Variants in PIK3CB observed in about 807,000 individuals in gnomAD.
The protein encoded by PIK3CB is phosphatidylinositol-4,5-bisphosphate 3-kinase catalytic subunit beta, also known as phosphatidylinositol 4,5-bisphosphate 3-kinase catalytic subunit beta isoform.
In PIK3CB, 39 loss-of-function variants were observed where a neutral mutation model predicts 136.8. That is an observed-to-expected ratio of 0.29 (90% CI 0.22 to 0.37). The LOEUF (loss-of-function observed/expected upper bound fraction) is 0.37, where lower values mean the gene tolerates loss of function less well. Ranked by LOEUF, PIK3CB falls within the 10% of genes least tolerant of loss-of-function variation. PIK3CB has a pLI of 1.00. For synonymous variants in PIK3CB, 428 were observed against 436.6 expected (o/e 0.98, Z 0.25); for missense variants, 868 against 1,275.4 (o/e 0.68, Z 4.87).
chr3:138,691,183 T>C (rs745575618), intron 14 of PIK3CB, 40 bp from the exon 15 acceptor site: 1 of 1,584,694 alleles, frequency 6.3e-7, no homozygotes. Flanking sequence ...CCAAACAACC[T>C]GTGCCAGAAA....
chr3:138,736,052 T>C (rs2045096540), intron 6 of PIK3CB, among the ~76,000 whole-genome samples: 1 of 152,132 alleles, frequency 6.6e-6, no homozygotes, highest in Admixed American at 6.6e-5. Context: ...TAATAGAGGA[T>C]AATGCTGGTA....
intron 1 of PIK3CB, among the ~76,000 whole-genome samples, chr3:138,823,286 T>TA (rs1157739654): frequency 6.6e-6 from 1 of 151,886 alleles, no homozygotes; most frequent in Non-Finnish European, 1.5e-5. Context: ...ACAAGGCCTA[T>TA]ACTAAATCAA....
intron 1 of PIK3CB, among the ~76,000 whole-genome samples, chr3:138,798,549 G>A (rs2046134979): frequency 6.6e-6 from 1 of 152,140 alleles, no homozygotes; most frequent in Non-Finnish European, 1.5e-5. Context: ...CCTAGGTGGG[G>A]TGGAGCATTG....
chr3:138,733,887 A>T, intron 7 of PIK3CB, among the ~76,000 whole-genome samples: 1 of 143,364 alleles, frequency 7.0e-6, no homozygotes, highest in East Asian at 1.9e-4. Flanking sequence ...CAAAAAAAAA[A>T]TTAATTAATT....
Position 138,679,753 on chromosome 3 carries a change from T to C in PIK3CB, c.2504+2214A>G, listed in dbSNP as rs181567271. ...ACATGCCAACATGCCTGGCTAATTATTATTATTATTATTATTATTATTATT... is the reference window on the plus strand; with the variant it reads ...ACATGCCAACATGCCTGGCTAATTACTATTATTATTATTATTATTATTATT... On this transcript the variant is annotated intron_variant, in intron 19 of 23. Transcript: ENST00000674063. 2.6e-3 allele frequency among the ~76,000 whole-genome samples: 389 copies of C among 147,200 alleles called. 4 individuals are homozygous for C. Among genetic ancestry groups the C allele is most frequent in the African/African-American group, 9.3e-3 (379 of 40,658 alleles).
At chr3:138,798,967 G>A (rs995510627) in intron 1 of PIK3CB, among the ~76,000 whole-genome samples, 9 of 152,084 alleles carry the variant, frequency 5.9e-5, no homozygotes, top group Admixed American at 4.6e-4. Flanking sequence ...AGAGATGTAA[G>A]CCTGTAATCC....
chr3:138,725,638 A>G (rs540100800), intron 8 of PIK3CB, among the ~76,000 whole-genome samples: 1 of 152,166 alleles, frequency 6.6e-6, no homozygotes, highest in South Asian at 2.1e-4. Flanking sequence ...CATTCAGTGT[A>G]TTTTTAAATT....
chr3:138,700,362 G>A (rs1331943788), intron 12 of PIK3CB, among the ~76,000 whole-genome samples: 3 of 152,176 alleles, frequency 2.0e-5, no homozygotes, highest in Non-Finnish European at 4.4e-5. Context: ...CTGGGGTAGG[G>A]AAAGTACTAG....
At chr3:138,691,248 T>C in intron 14 of PIK3CB, 105 bp from the exon 15 acceptor site, 1 of 1,040,170 alleles carries the variant, frequency 9.6e-7, no homozygotes. Context: ...ACAATGGTTC[T>C]TTTGGGCCAG....
intron 1 of PIK3CB, among the ~76,000 whole-genome samples, chr3:138,815,543 A>C (rs74916316): frequency 6.6e-6 from 1 of 152,198 alleles, no homozygotes; most frequent in Non-Finnish European, 1.5e-5. Flanking sequence ...AGCAGTCCTG[A>C]AAAAAGAATA....
At chr3:138,758,418 T>A (rs1478428203) in intron 3 of PIK3CB, among the ~76,000 whole-genome samples, 1 of 152,210 alleles carries the variant, frequency 6.6e-6, no homozygotes, top group Non-Finnish European at 1.5e-5. Flanking sequence ...AGATAAATGG[T>A]TAATCTAATG....
chr3:138,791,551 G>T (rs1423127320), intron 2 of PIK3CB, among the ~76,000 whole-genome samples: 1 of 152,160 alleles, frequency 6.6e-6, no homozygotes, highest in Non-Finnish European at 1.5e-5. Context: ...AAAAAGGCCT[G>T]ACTCTGGTCT....
At chr3:138,663,763 G>T in intron 21 of PIK3CB, 143 bp downstream of exon 21, 1 of 731,686 alleles carries the variant, frequency 1.4e-6, no homozygotes, top group Non-Finnish European at 2.3e-6. Context: ...TATATGAAAC[G>T]AGAGGTAGTG....
chr3:138,656,175 T>C lies in PIK3CB; in HGVS notation c.3042A>G (p.Glu1014=), dbSNP rs750653605. 1 of 1,614,094 alleles carries C rather than the reference T, an allele frequency of 6.2e-7. No homozygotes were observed. The highest frequency in any genetic ancestry group is 8.5e-7 in the Non-Finnish European group (1 of 1,180,004). Residue 1014 remains glutamate, a synonymous_variant, in exon 23 of 24, where the codon GAA becomes GAG. Transcript: ENST00000674063. ...FALMLTAGLP[E]LTSVKDIQYL... ...ACTGTATATCTTTGACTGATGTGAGTTCAGGAAGCCCTGCAGTCAACATCA... is the reference window on the plus strand; with the variant it reads ...ACTGTATATCTTTGACTGATGTGAGCTCAGGAAGCCCTGCAGTCAACATCA...
intron 1 of PIK3CB, among the ~76,000 whole-genome samples, chr3:138,800,901 T>C (rs2046167298): frequency 6.6e-6 from 1 of 152,150 alleles, no homozygotes; most frequent in African/African-American, 2.4e-5. Context: ...ACTGGGATTA[T>C]AGGCGTGAGC....
At chr3:138,784,620 G>A (rs1015259876) in intron 2 of PIK3CB, among the ~76,000 whole-genome samples, 7 of 152,190 alleles carry the variant, frequency 4.6e-5, no homozygotes, top group Non-Finnish European at 8.8e-5. Flanking sequence ...TGGTGGAGAC[G>A]GGGTTTCGCC....
chr3:138,769,466 A>C (rs761138090), intron 2 of PIK3CB, among the ~76,000 whole-genome samples: 1 of 152,214 alleles, frequency 6.6e-6, no homozygotes, highest in Non-Finnish European at 1.5e-5. Context: ...ACTAGCTCTT[A>C]GTTTTCAAGA....
chr3:138,721,947 CATAA>C (rs1311233962), intron 8 of PIK3CB, among the ~76,000 whole-genome samples: 3 of 152,086 alleles, frequency 2.0e-5, no homozygotes, highest in African/African-American at 7.2e-5. Context: ...GCTACAAACT[CATAA>C]ATAACTAGTT....
At chr3:138,741,443 GAAC>G (rs1409264060) in intron 5 of PIK3CB, among the ~76,000 whole-genome samples, 1 of 152,186 alleles carries the variant, frequency 6.6e-6, no homozygotes, top group South Asian at 2.1e-4. Context: ...GCTCAACACA[GAAC>G]AACGACTGTT....
Sources: allele counts gnomAD v4.1 joint callset (sites outside exome capture counted in the v4.1 genomes callset), GRCh38; gene constraint gnomAD v4.1.1; transcripts MANE v1.5; gene names NCBI Gene and HGNC (gene_info 2026-07-23, HGNC 2026-07-21).